CFAP70: variants seen among roughly 807,000 people sequenced by gnomAD.
The protein encoded by CFAP70 is cilia- and flagella-associated protein 70.
CFAP70 carries 81 observed loss-of-function variants against 137.6 expected under a neutral mutation model. The observed-to-expected ratio is 0.59, with a 90% CI of 0.49 to 0.71. The LOEUF is 0.71. Ranked by LOEUF, CFAP70 falls within the 30% of genes least tolerant of loss-of-function variation. The probability of loss-of-function intolerance (pLI) is 0.00; values close to 1 mark genes in which losing one functional copy is unlikely to be tolerated. For missense variants in CFAP70, 976 were observed against 1,226.7 expected, an observed-to-expected ratio of 0.80 and a Z score of 3.05; for synonymous variants, 382 against 423.6, an observed-to-expected ratio of 0.90 and a Z score of 1.20.
intron 12 of CFAP70, among the ~76,000 whole-genome samples, chr10:73,304,890 C>A (rs2049253683): frequency 6.7e-6 from 1 of 149,506 alleles, no homozygotes; most frequent in African/African-American, 2.4e-5. Context: ...ACTGTCAGAA[C>A]CAACTTGTTA....
chr10:73,284,026 G>A (rs1171235671), intron 19 of CFAP70, among the ~76,000 whole-genome samples: 1 of 152,204 alleles, frequency 6.6e-6, no homozygotes, highest in Non-Finnish European at 1.5e-5. Flanking sequence ...TACAAGCTTA[G>A]TGGCTTAAAA....
At chr10:73,351,205 G>A (rs1343692932) in intron 3 of CFAP70, among the ~76,000 whole-genome samples, 2 of 142,710 alleles carry the variant, frequency 1.4e-5, no homozygotes, top group Non-Finnish European at 3.0e-5. Context: ...TGCAAGCTCC[G>A]CCTCCTGGGT....
chr10:73,300,952 C>T (rs941652789), intron 12 of CFAP70, among the ~76,000 whole-genome samples: 8 of 152,152 alleles, frequency 5.3e-5, no homozygotes, highest in African/African-American at 1.9e-4. Flanking sequence ...ACAAAATAGA[C>T]AAAAATTCTT....
At position 73,286,433 on chromosome 10, in the gene CFAP70, GACACCGTCTC is replaced by G. The variant is rs1435592947; in HGVS notation, c.2239+4783_2239+4792del. ...CACTCCAGCCTGGGTAACAGAGTGA[GACACCGTCTC>G]AAAAACAAACAAACAAACAAACAAA... On this transcript the variant is annotated intron_variant, in intron 19 of 26. Coordinates refer to ENST00000310715, the Ensembl canonical transcript of CFAP70. Among the ~76,000 whole-genome samples the G allele has an allele frequency of 2.0e-5, 3 of 152,106 alleles. No homozygotes were observed. In the East Asian group the frequency reaches 5.8e-4, roughly 29 times the overall value.
chr10:73,315,697 G>A (rs1349987943), intron 9 of CFAP70, among the ~76,000 whole-genome samples: 4 of 152,052 alleles, frequency 2.6e-5, no homozygotes, highest in African/African-American at 7.2e-5. Flanking sequence ...CCAAGTGGTG[G>A]GACCACAGGC....
In CFAP70 at chr10:73,323,496, C is replaced by T. The variant is rs528830074; in HGVS notation, c.778-399G>A. On this transcript the variant is annotated intron_variant, in intron 8 of 26. Coordinates refer to ENST00000310715, the Ensembl canonical transcript of CFAP70. ...GCACAGGTCAGTGGGTGCAGCGCAC[C>T]GTGTGCGAGCTGAAGCAGGGCGAGG... Among the ~76,000 whole-genome samples the T allele has an allele frequency of 1.2e-4, 18 of 152,252 alleles. 1 individual carries two copies. The South Asian group carries it at 1.2e-3, about 11-fold the overall frequency.
rs139777911 is a variant in CFAP70, at chr10:73,343,468, G to A, written c.399+1597C>T. ...TCACACCTGTAATCCCAGCACTTTG[G>A]GAGGCTGAGACATGCGGATCACCTG... On this transcript the variant is annotated intron_variant, in intron 5 of 26. Transcript: ENST00000310715. Among the ~76,000 whole-genome samples the A allele has an allele frequency of 8.3e-3, 1,261 of 152,194 alleles. 18 individuals are homozygous for A. The highest frequency in any genetic ancestry group is 0.027 in the African/African-American group (1,129 of 41,522).
intron 12 of CFAP70, among the ~76,000 whole-genome samples, chr10:73,309,301 A>G (rs1363353198): frequency 1.3e-5 from 2 of 152,210 alleles, no homozygotes; most frequent in Non-Finnish European, 2.9e-5. Flanking sequence ...GCAAAGCACT[A>G]TGGTACAATA....
chr10:73,331,062 C>A lies in CFAP70; in HGVS notation c.777+115G>T, dbSNP rs12259183. On this transcript the variant is annotated intron_variant, in intron 8 of 26. Coordinates refer to ENST00000310715, the Ensembl canonical transcript of CFAP70. ...AGGCAAATCAGAATGAGCTAGTCAC[C>A]CTTAGGAGAACAGCTATGTTCACAT... is the stretch of plus-strand genomic sequence containing the variant. 0.096 allele frequency: 64,834 copies of A among 677,960 alleles called. 4,815 individuals carry two copies. Among genetic ancestry groups the A allele is most frequent in the East Asian group, 0.29 (9,676 of 33,860 alleles). 42.0% of individuals were successfully genotyped at this position (677,960 alleles called of 1,614,324 possible). A position where few individuals can be genotyped will look rare whatever the true frequency, so the allele number is the denominator to read the frequency against.
At chr10:73,351,340 G>C (rs1031047378) in intron 3 of CFAP70, among the ~76,000 whole-genome samples, 1 of 151,658 alleles carries the variant, frequency 6.6e-6, no homozygotes, top group Non-Finnish European at 1.5e-5. Context: ...GGATGGTCTC[G>C]ATCTCCTGAC....
chr10:73,284,509 GT>G (rs1433035734), intron 19 of CFAP70, among the ~76,000 whole-genome samples: 6 of 151,664 alleles, frequency 4.0e-5, no homozygotes, highest in African/African-American at 1.5e-4. Context: ...ATTTATTTAT[GT>G]TAGGATTTAA....
intron 19 of CFAP70, 57 bp from the exon 21 acceptor site, chr10:73,278,394 T>A: frequency 6.9e-7 from 1 of 1,445,214 alleles, no homozygotes; most frequent in Non-Finnish European, 9.5e-7. Context: ...TGTTTAAAGG[T>A]TATTGTAAGA....
chr10:73,330,047 T>C (rs1365017669), intron 8 of CFAP70, among the ~76,000 whole-genome samples: 4 of 152,174 alleles, frequency 2.6e-5, no homozygotes, highest in African/African-American at 4.8e-5. Context: ...CACAGAAAAT[T>C]TTTATAGAGA....
intron 3 of CFAP70, among the ~76,000 whole-genome samples, chr10:73,351,116 T>TG (rs1188900458): frequency 6.3e-4 from 80 of 127,866 alleles, no homozygotes; most frequent in African/African-American, 1.9e-3. Context: ...TATATATGTA[T>TG]GTTTTGTTTT....
At chr10:73,295,596 G>T (rs2048494336) in intron 15 of CFAP70, 1 of 152,166 alleles carries the variant, frequency 6.6e-6, no homozygotes, top group African/African-American at 2.4e-5. Flanking sequence ...CAAATCCAGT[G>T]AAGACTTTAG....
At chr10:73,263,818 A>C (rs1041651908) in intron 25 of CFAP70, among the ~76,000 whole-genome samples, 1 of 152,166 alleles carries the variant, frequency 6.6e-6, no homozygotes, top group Non-Finnish European at 1.5e-5. Flanking sequence ...TTCAACCATA[A>C]TTTTAGCATA....
At chr10:73,348,571 G>T in intron 3 of CFAP70, 50 bp from the exon 4 acceptor site, 2 of 1,195,648 alleles carry the variant, frequency 1.7e-6, no homozygotes, top group South Asian at 1.7e-5. Flanking sequence ...ACATCTATCC[G>T]ATAACCAAGC....
chr10:73,254,086 T>C (rs762304745), intron 26 of CFAP70, 31 bp from the exon 28 acceptor site: 25 of 1,567,672 alleles, frequency 1.6e-5, no homozygotes, highest in Non-Finnish European at 2.1e-5. Context: ...GGGAAAGATA[T>C]ATGTCATACG....
At chr10:73,284,321 C>T (rs2047480859) in intron 19 of CFAP70, among the ~76,000 whole-genome samples, 2 of 152,048 alleles carry the variant, frequency 1.3e-5, no homozygotes. Flanking sequence ...CTGCATCTCT[C>T]ATATAAGGAC....
Sources: allele counts gnomAD v4.1 joint callset (sites outside exome capture counted in the v4.1 genomes callset), GRCh38; gene constraint gnomAD v4.1.1; transcripts MANE v1.5; gene names NCBI Gene and HGNC (gene_info 2026-07-23, HGNC 2026-07-21).